Variants in RBMS1 observed in about 807,000 individuals in gnomAD.
RBMS1 encodes RNA binding motif single stranded interacting protein 1.
RBMS1 carries 17 observed loss-of-function variants against 62.3 expected under a neutral mutation model. The observed-to-expected ratio is 0.27, with a 90% CI of 0.19 to 0.41. The LOEUF (loss-of-function observed/expected upper bound fraction) is 0.41, where lower values mean the gene tolerates loss of function less well. Ranked by LOEUF, RBMS1 falls within the 10% of genes least tolerant of loss-of-function variation. The pLI is 1.00. For synonymous variants in RBMS1, 172 were observed against 170.0 expected, an observed-to-expected ratio of 1.01 and a Z score of -0.09; for missense variants, 334 against 504.5, an observed-to-expected ratio of 0.66 and a Z score of 3.24.
chr2:160,370,892 GTTGAC>G (rs1693689795), intron 1 of RBMS1, among the ~76,000 whole-genome samples: 1 of 151,776 alleles, frequency 6.6e-6, no homozygotes, highest in Non-Finnish European at 1.5e-5. Context: ...GTGCCTTTAA[GTTGAC>G]TTAATTAACA....
At chr2:160,377,069 C>T (rs1329610332) in intron 1 of RBMS1, among the ~76,000 whole-genome samples, 1 of 151,376 alleles carries the variant, frequency 6.6e-6, no homozygotes, top group African/African-American at 2.4e-5. Context: ...AGCTATACTG[C>T]CTGAGAATGG....
intron 1 of RBMS1, among the ~76,000 whole-genome samples, chr2:160,417,672 G>T (rs1696259678): frequency 6.6e-6 from 1 of 152,174 alleles, no homozygotes; most frequent in Non-Finnish European, 1.5e-5. Context: ...CATTTCAACT[G>T]CAGAGATGTT....
At chr2:160,309,730 A>G (rs1419224582) in intron 4 of RBMS1, among the ~76,000 whole-genome samples, 1 of 152,194 alleles carries the variant, frequency 6.6e-6, no homozygotes, top group East Asian at 1.9e-4. Context: ...AGAAAAATCA[A>G]CATCAGATGA....
intron 2 of RBMS1, among the ~76,000 whole-genome samples, chr2:160,335,781 T>C (rs1691535228): frequency 6.6e-6 from 1 of 152,200 alleles, no homozygotes; most frequent in African/African-American, 2.4e-5. Context: ...CCTTTGTGTC[T>C]AGGGCACATT....
At chr2:160,379,754 C>G (rs1374604411) in intron 1 of RBMS1, among the ~76,000 whole-genome samples, 1 of 152,180 alleles carries the variant, frequency 6.6e-6, no homozygotes, top group African/African-American at 2.4e-5. Flanking sequence ...TTTTACTTTT[C>G]TGTTGCTAAA....
intron 2 of RBMS1, among the ~76,000 whole-genome samples, chr2:160,330,304 G>C (rs1023381944): frequency 1.3e-5 from 2 of 152,166 alleles, no homozygotes; most frequent in African/African-American, 4.8e-5. Flanking sequence ...AACACGAAGG[G>C]AGGCATCTGG....
chr2:160,469,051 G>A (rs1684811314), intron 1 of RBMS1, among the ~76,000 whole-genome samples: 2 of 152,272 alleles, frequency 1.3e-5, no homozygotes, highest in South Asian at 4.1e-4. Flanking sequence ...TCCAAAGACA[G>A]AGCCACTTGG....
chr2:160,353,036 A>G (rs1692603210), intron 2 of RBMS1, among the ~76,000 whole-genome samples: 1 of 152,168 alleles, frequency 6.6e-6, no homozygotes, highest in African/African-American at 2.4e-5. Flanking sequence ...TTGCAGCTGC[A>G]TAAGGATTTT....
At chr2:160,366,949 T>A (rs1461438287) in intron 2 of RBMS1, 2 of 254,628 alleles carry the variant, frequency 7.9e-6, no homozygotes, top group African/African-American at 2.2e-5. Flanking sequence ...TTTAAAAAAA[T>A]TCATATTTTA....
chr2:160,402,776 G>A (rs752252775), intron 1 of RBMS1, among the ~76,000 whole-genome samples: 33 of 152,084 alleles, frequency 2.2e-4, no homozygotes, highest in Non-Finnish European at 4.3e-4. Flanking sequence ...CACCATGTAG[G>A]CCACTTAAGA....
At position 160,318,271 on chromosome 2, in the gene RBMS1, G is replaced by T. The variant is rs372150516; in HGVS notation, c.252-44C>A. 864 of 1,331,912 alleles carry T rather than the reference G, an allele frequency of 6.5e-4. 7 individuals are homozygous for T. The African/African-American group carries it at 0.016, about 24-fold the overall frequency. The allele number at this position is 1,331,912 out of a possible 1,614,324, so 82.5% of individuals were successfully genotyped here. ...AAAAAAAGGAAAAAAAGAAAAGAAA[G>T]AAAAAGAAGTTATAAGGAACCCTTA... On this transcript the variant is annotated intron_variant, in intron 2 of 13. Coordinates refer to ENST00000348849, the MANE Select transcript of RBMS1 (RefSeq NM_016836.4).
chr2:160,467,322 T>C (rs905984343), intron 1 of RBMS1, among the ~76,000 whole-genome samples: 44 of 152,234 alleles, frequency 2.9e-4, no homozygotes, highest in Middle Eastern at 3.4e-3. Context: ...AAAGTTCATT[T>C]AGTGAGAGCC....
chr2:160,474,346 T>C (rs910501847), intron 1 of RBMS1, among the ~76,000 whole-genome samples: 1 of 152,232 alleles, frequency 6.6e-6, no homozygotes, highest in East Asian at 1.9e-4. Flanking sequence ...TTGTGTGTGT[T>C]GATGAACAAG....
chr2:160,426,767 C>T (rs1304837059), intron 1 of RBMS1, among the ~76,000 whole-genome samples: 2 of 152,166 alleles, frequency 1.3e-5, no homozygotes, highest in Non-Finnish European at 2.9e-5. Context: ...TGTGCCGCCA[C>T]CTCATTCCGG....
chr2:160,283,629 A>G (rs1385975930), intron 9 of RBMS1: 1 of 152,214 alleles, frequency 6.6e-6, no homozygotes, highest in Admixed American at 6.5e-5. Context: ...AGGCAGAATT[A>G]GTTATATGAC....
chr2:160,305,114 A>T (rs893925862), intron 4 of RBMS1, among the ~76,000 whole-genome samples: 1 of 152,204 alleles, frequency 6.6e-6, no homozygotes, highest in South Asian at 2.1e-4. Context: ...TGGCCTCCCA[A>T]AGTGCTGGGA....
intron 2 of RBMS1, among the ~76,000 whole-genome samples, chr2:160,323,756 G>A (rs1309081805): frequency 6.6e-6 from 1 of 152,076 alleles, no homozygotes; most frequent in African/African-American, 2.4e-5. Context: ...AGCAAGCTCT[G>A]ACAGTAAAAA....
At chr2:160,383,594 G>T (rs112387360) in intron 1 of RBMS1, among the ~76,000 whole-genome samples, 149 of 152,244 alleles carry the variant, frequency 9.8e-4, no homozygotes, top group African/African-American at 3.2e-3. Flanking sequence ...AATCAGATCA[G>T]GGTAATTAGC....
intron 1 of RBMS1, among the ~76,000 whole-genome samples, chr2:160,384,227 A>C (rs962512293): frequency 6.6e-6 from 1 of 152,210 alleles, no homozygotes; most frequent in African/African-American, 2.4e-5. Context: ...TAAAAACTTT[A>C]AATGTCATTT....
Sources: allele counts gnomAD v4.1 joint callset (sites outside exome capture counted in the v4.1 genomes callset), GRCh38; gene constraint gnomAD v4.1.1; transcripts MANE v1.5; gene names NCBI Gene and HGNC (gene_info 2026-07-23, HGNC 2026-07-21).